The following VNN2 variants were observed in gnomAD, a reference collection of about 807,000 sequenced individuals.
VNN2 encodes the protein vanin 2.
In VNN2, 43 loss-of-function variants were observed where a neutral mutation model predicts 43.0. The observed-to-expected ratio is 1.00, with a 90% CI of 0.78 to 1.29. The LOEUF (loss-of-function observed/expected upper bound fraction) is 1.29. Among genes scored for constraint, VNN2 ranks in the 50% most tolerant of loss-of-function variants. The pLI is 0.00. For missense variants in VNN2, 652 were observed against 619.7 expected, an observed-to-expected ratio of 1.05 and a Z score of -0.55; for synonymous variants, 230 against 224.3, an observed-to-expected ratio of 1.03 and a Z score of -0.23.
At chr6:132,750,768 G>A (rs981938048) in intron 5 of VNN2, among the ~76,000 whole-genome samples, 1 of 151,964 alleles carries the variant, frequency 6.6e-6, no homozygotes, top group Non-Finnish European at 1.5e-5. Context: ...TCTATTTACT[G>A]TTAGTTTTGC....
rs754827895 is a variant in VNN2, at chr6:132,751,189, C to T, written c.1156G>A (p.Ala386Thr). Reference sequence around the variant, plus strand: ...CTTCGGCCATGTAATCCTGTAAAAGCTCCTAGAACGTATACTTCATTCTCT... The same window carrying T: ...CTTCGGCCATGTAATCCTGTAAAAGTTCCTAGAACGTATACTTCATTCTCT... ...KEENEVYVLG[A>T]FTGLHGRRRR... Residue 386 changes from alanine to threonine, a missense_variant, in exon 5 of 7, where the codon GCT becomes ACT. Transcript: ENST00000326499. 1.2e-6 allele frequency: 2 copies of T among 1,613,520 alleles called. No individual in the cohort carries two copies. The highest frequency in any genetic ancestry group is 2.2e-5 in the South Asian group (2 of 91,026).
At chr6:132,747,522 C>T (rs1271721878) in intron 6 of VNN2, among the ~76,000 whole-genome samples, 1 of 152,080 alleles carries the variant, frequency 6.6e-6, no homozygotes. Context: ...GAGGCTGAGG[C>T]AGGAGAATCG....
chr6:132,748,653 G>A (rs1779864453), intron 6 of VNN2, among the ~76,000 whole-genome samples: 1 of 152,224 alleles, frequency 6.6e-6, no homozygotes, highest in Non-Finnish European at 1.5e-5. Flanking sequence ...ATATGTGTAT[G>A]TATGCGTGTA....
intron 5 of VNN2, among the ~76,000 whole-genome samples, chr6:132,750,768 G>C (rs981938048): frequency 6.6e-6 from 1 of 151,964 alleles, no homozygotes; most frequent in South Asian, 2.1e-4. Context: ...TCTATTTACT[G>C]TTAGTTTTGC....
intron 2 of VNN2, among the ~76,000 whole-genome samples, chr6:132,756,898 A>G (rs372416774): frequency 1.7e-4 from 26 of 152,190 alleles, no homozygotes; most frequent in Admixed American, 1.2e-3. Flanking sequence ...TAGGACCCAG[A>G]TTTTTAATAT....
At chr6:132,749,964 A>G (rs1779961408) in intron 5 of VNN2, 99 bp from the exon 6 acceptor site, 1 of 1,157,198 alleles carries the variant, frequency 8.6e-7, no homozygotes, top group Non-Finnish European at 1.2e-6. Flanking sequence ...AGCAAACATT[A>G]TCTTTCTCTG....
rs756843529 is a variant in VNN2 at position 132,755,900 on chromosome 6, T to A, written c.480A>T (p.Gln160His). Residue 160 changes from glutamine to histidine, a missense_variant, in exon 3 of 7, where the codon CAA becomes CAT. Transcript: ENST00000326499. ...TATTATACACCACATTGGTATTGTA[T>A]TGAAAGTAGCCATTAGGAGGACATG... ...DSTCPPNGYF[Q>H]YNTNVVYNTE... 1 of 1,614,066 alleles carries A rather than the reference T, an allele frequency of 6.2e-7. No individual in the cohort carries two copies.
rs774338321 is a variant in VNN2, at chr6:132,755,935, G to C, written c.445C>G (p.Arg149Gly). Residue 149 changes from arginine to glycine, a missense_variant, in exon 3 of 7, where the codon CGT becomes GGT. Coordinates refer to ENST00000326499, the MANE Select transcript of VNN2 (RefSeq NM_004665.6). ...NLGDKKPCNS[R>G]DSTCPPNGYF... The stretch of plus-strand genomic sequence containing the variant: ...CCATTAGGAGGACATGTGGAGTCAC[G>C]GGAATTACATGGCTTTTTGTCCCCC... The C allele has an allele frequency of 6.2e-7, 1 of 1,614,132 alleles. No individual in the cohort carries two copies. The highest frequency in any genetic ancestry group is 8.5e-7 in the Non-Finnish European group (1 of 1,180,012).
intron 1 of VNN2, chr6:132,763,296 C>A (rs1447679271): frequency 1.3e-5 from 2 of 151,944 alleles, no homozygotes; most frequent in Non-Finnish European, 2.9e-5. Context: ...AATGTCACAG[C>A]AATCCACCAA....
chr6:132,757,590 C>A (rs769529431), intron 1 of VNN2, 44 bp from the exon 2 acceptor site: 3 of 1,609,322 alleles, frequency 1.9e-6, no homozygotes, highest in Non-Finnish European at 2.5e-6. Context: ...CCATGTACAA[C>A]ACAGACAATT....
chr6:132,751,190 TC>T lies in VNN2; in HGVS notation c.1154del (p.Gly385GlufsTer21), dbSNP rs775232072. On this transcript the variant is annotated frameshift_variant, in exon 5 of 7. Transcript: ENST00000326499. LOFTEE classifies it high-confidence loss of function. ...QKEENEVYVLGAFTGLHGRRR... is the reference protein window; with the variant it reads ...QKEENEVYVLXAFTGLHGRRR... ...TTCGGCCATGTAATCCTGTAAAAGC[TC>T]CTAGAACGTATACTTCATTCTCTTC... The T allele has an allele frequency of 6.2e-7, 1 of 1,613,646 alleles. No homozygotes were observed. Among genetic ancestry groups the T allele is most frequent in the South Asian group, 1.1e-5 (1 of 91,034 alleles).
chr6:132,758,039 C>CTTCTTCTTCTTCTTTTT (rs1488070973), upstream of VNN2: 3 of 160,500 alleles, frequency 1.9e-5, no homozygotes, highest in African/African-American at 5.8e-5. Flanking sequence ...TCTTCTTCTT[C>CTTCTTCTTCTTCTTTTT]TTTTTTTTTT....
intron 3 of VNN2, 168 bp from the exon 4 acceptor site, chr6:132,752,917 G>A: frequency 1.5e-6 from 1 of 664,942 alleles, no homozygotes; most frequent in South Asian, 2.0e-5. Context: ...AAAATGTGGA[G>A]GAATATGTAA....
rs756467958 is a variant in VNN2 at position 132,757,433 on chromosome 6, C to T, written c.327G>A (p.Pro109=). 65 of 1,607,724 alleles carry T rather than the reference C, an allele frequency of 4.0e-5. No homozygotes were observed. The highest frequency in any genetic ancestry group is 1.7e-4 in the Middle Eastern group (1 of 6,044). Reference sequence around the variant, plus strand: ...TAAAATACCTGTGGGGGTCTTGACACGGAATCCAGTTCACCTGAGGGTCTG... The same window carrying T: ...TAAAATACCTGTGGGGGTCTTGACATGGAATCCAGTTCACCTGAGGGTCTG... ...DIPDPQVNWI[P]CQDPHRFGHT... is the part of the protein sequence containing the mutation. Residue 109 remains proline, a synonymous_variant, in exon 2 of 7, where the codon CCG becomes CCA. Coordinates refer to ENST00000326499, the MANE Select transcript of VNN2 (RefSeq NM_004665.6).
intron 6 of VNN2, among the ~76,000 whole-genome samples, chr6:132,746,008 A>G (rs1300442874): frequency 6.6e-6 from 1 of 152,226 alleles, no homozygotes; most frequent in South Asian, 2.1e-4. Context: ...TAATGATTGT[A>G]CTTCACCATT....
chr6:132,755,121 T>C (rs186239142), intron 3 of VNN2, among the ~76,000 whole-genome samples: 41 of 152,250 alleles, frequency 2.7e-4, no homozygotes, highest in African/African-American at 9.9e-4. Context: ...CAGTGAGCCA[T>C]GATGGCTCCA....
chr6:132,759,242 G>A (rs749516630), upstream of VNN2, among the ~76,000 whole-genome samples: 3 of 151,838 alleles, frequency 2.0e-5, no homozygotes, highest in Non-Finnish European at 4.4e-5. Flanking sequence ...TTCAAGACCA[G>A]CCTGGCCAAC....
At chr6:132,760,696 G>T (rs1219234369), upstream of VNN2, 2 of 151,992 alleles carry the variant, frequency 1.3e-5, no homozygotes, top group Non-Finnish European at 2.9e-5. Flanking sequence ...AAGTAGTCAG[G>T]TAAGCTGATG....
chr6:132,746,537 T>C (rs893113004), intron 6 of VNN2, among the ~76,000 whole-genome samples: 1 of 141,786 alleles, frequency 7.1e-6, no homozygotes, highest in Admixed American at 7.4e-5. Flanking sequence ...CAAGAATGGG[T>C]TATTGGACTT....
Sources: gnomAD v4.1 joint callset for allele counts (sites outside exome capture counted in the v4.1 genomes callset) on GRCh38, gnomAD v4.1.1 for gene constraint, MANE v1.5 for transcripts, NCBI Gene and HGNC (gene_info 2026-07-23, HGNC 2026-07-21) for gene names.